WWOX: variants seen among roughly 807,000 people sequenced by gnomAD.
WWOX encodes the protein WW domain containing oxidoreductase.
In WWOX, 69 loss-of-function variants were observed where a neutral mutation model predicts 46.2. That is an observed-to-expected ratio of 1.49 (90% CI 1.23 to 1.82). The LOEUF is 1.82. WWOX is among the 40% of genes most tolerant of loss of function. The pLI is 0.00. For synonymous variants in WWOX, 359 were observed against 202.6 expected (o/e 1.77, Z -6.56); for missense variants, 919 against 542.6 (o/e 1.69, Z -6.89).
intron 8 of WWOX, among the ~76,000 whole-genome samples, chr16:78,557,689 A>ATTTTTTTTTTTTTTTTTTTTTTTTTTT (rs34068363): frequency 6.2e-5 from 6 of 96,624 alleles, no homozygotes; most frequent in African/African-American, 2.1e-4. Context: ...CTAGGGAAGG[A>ATTTTTTTTTTTTTTTTTTTTTTTTTTT]TTTTTTTTTT....
chr16:79,065,201 T>C (rs1175351462), intron 8 of WWOX, among the ~76,000 whole-genome samples: 2 of 152,182 alleles, frequency 1.3e-5, no homozygotes, highest in African/African-American at 4.8e-5. Context: ...TTCTTATAAT[T>C]GCTCAATGGG....
At chr16:78,859,215 C>G (rs2052659531) in intron 8 of WWOX, among the ~76,000 whole-genome samples, 1 of 151,456 alleles carries the variant, frequency 6.6e-6, no homozygotes, top group Non-Finnish European at 1.5e-5. Flanking sequence ...ATGAGTTCAA[C>G]TGATTTCAAC....
rs2082355288 is a variant in WWOX, at chr16:78,399,115, G to T, written c.605+12167G>T. Among the ~76,000 whole-genome samples, 4 of 150,390 alleles carry T rather than the reference G, an allele frequency of 2.7e-5. No homozygotes were observed. The South Asian group carries it at 8.5e-4, about 32-fold the overall frequency. On this transcript the variant is annotated intron_variant, in intron 6 of 8. Coordinates refer to ENST00000566780, the MANE Select transcript of WWOX (RefSeq NM_016373.4). Reference sequence around the variant, plus strand: ...GAAGGGGTGGAAGGGGATGCAAGAGGTAAGTACAAGGAAGGGGATGGGTGG... The same window carrying T: ...GAAGGGGTGGAAGGGGATGCAAGAGTTAAGTACAAGGAAGGGGATGGGTGG...
intron 8 of WWOX, among the ~76,000 whole-genome samples, chr16:78,728,049 TCC>T (rs1257188475): frequency 2.3e-4 from 14 of 61,612 alleles, no homozygotes; most frequent in African/African-American, 8.3e-4. Flanking sequence ...CCTCTCTCCC[TCC>T]TTCCTTTTTT....
chr16:78,835,769 G>T (rs116517543), intron 8 of WWOX, among the ~76,000 whole-genome samples: 1 of 152,130 alleles, frequency 6.6e-6, no homozygotes, highest in Non-Finnish European at 1.5e-5. Context: ...AACAAAAAAT[G>T]TATTGCCAAA....
Position 78,886,016 on chromosome 16 carries a change from C to G in WWOX, c.1057-325592C>G, listed in dbSNP as rs558728361. 1.8e-4 allele frequency among the ~76,000 whole-genome samples: 28 copies of G among 151,502 alleles called. 1 individual carries two copies. Among genetic ancestry groups the G allele is most frequent in the Admixed American group, 1.8e-3 (27 of 15,190 alleles). On this transcript the variant is annotated intron_variant, in intron 8 of 8. Coordinates refer to ENST00000566780, the MANE Select transcript of WWOX (RefSeq NM_016373.4). ...CTTGGCTTGCTGCAACCTCTGCCTC[C>G]CAAGTTCAAGCAATTCTCCCACCTC...
chr16:78,506,025 A>T (rs11641859), intron 8 of WWOX, among the ~76,000 whole-genome samples: 6,566 of 152,156 alleles, frequency 0.043, 291 homozygotes, highest in East Asian at 0.18. Flanking sequence ...CCCCTTCCCG[A>T]CCCTTGCACC....
At chr16:79,177,234 G>A (rs1199532370) in intron 8 of WWOX, among the ~76,000 whole-genome samples, 2 of 152,146 alleles carry the variant, frequency 1.3e-5, no homozygotes, top group African/African-American at 2.4e-5. Context: ...CTTATCAGCC[G>A]CGAGTGCCGT....
At chr16:78,376,711 T>C (rs1413732715) in intron 5 of WWOX, among the ~76,000 whole-genome samples, 1 of 152,104 alleles carries the variant, frequency 6.6e-6, no homozygotes, top group Admixed American at 6.5e-5. Flanking sequence ...TTCCAACAAG[T>C]TGCAACAAGC....
At chr16:78,366,052 G>A (rs938570284) in intron 5 of WWOX, among the ~76,000 whole-genome samples, 9 of 151,968 alleles carry the variant, frequency 5.9e-5, no homozygotes, top group African/African-American at 2.2e-4. Context: ...TACATCTTTC[G>A]GCCCATTGGA....
intron 8 of WWOX, among the ~76,000 whole-genome samples, chr16:78,485,015 G>T (rs2084595480): frequency 6.6e-6 from 1 of 151,962 alleles, no homozygotes. Context: ...TATAGATGAG[G>T]TTCCCTTAGA....
intron 8 of WWOX, among the ~76,000 whole-genome samples, chr16:78,760,430 C>G (rs533255134): frequency 2.6e-5 from 4 of 152,116 alleles, no homozygotes; most frequent in African/African-American, 7.2e-5. Flanking sequence ...ATCACACTTG[C>G]ATTTGATTTT....
intron 8 of WWOX, among the ~76,000 whole-genome samples, chr16:78,566,062 C>A (rs77523627): frequency 1.1e-3 from 160 of 152,290 alleles, no homozygotes; most frequent in African/African-American, 3.8e-3. Flanking sequence ...AAGCCATGGG[C>A]ACATTCTGTG....
At chr16:78,272,734 A>G (rs2079503580) in intron 5 of WWOX, among the ~76,000 whole-genome samples, 1 of 152,066 alleles carries the variant, frequency 6.6e-6, no homozygotes, top group African/African-American at 2.4e-5. Context: ...CTATAACAGC[A>G]GTAGCAATAA....
At chr16:78,876,182 G>A (rs939966831) in intron 8 of WWOX, among the ~76,000 whole-genome samples, 8 of 150,404 alleles carry the variant, frequency 5.3e-5, no homozygotes, top group Admixed American at 4.7e-4. Context: ...TTTTAACAAC[G>A]GAAAACACTT....
intron 8 of WWOX, among the ~76,000 whole-genome samples, chr16:78,903,657 G>C (rs189533574): frequency 6.3e-4 from 96 of 152,256 alleles, no homozygotes; most frequent in African/African-American, 2.2e-3. Context: ...TTCCCTGCCT[G>C]CAGATTCTAT....
intron 8 of WWOX, among the ~76,000 whole-genome samples, chr16:78,930,070 C>T (rs1228131827): frequency 2.6e-5 from 4 of 152,062 alleles, no homozygotes; most frequent in African/African-American, 7.2e-5. Flanking sequence ...GGAAGCATAG[C>T]TTCTTGCCTT....
intron 8 of WWOX, among the ~76,000 whole-genome samples, chr16:79,097,113 C>G (rs2049091967): frequency 6.6e-6 from 1 of 151,682 alleles, no homozygotes; most frequent in Non-Finnish European, 1.5e-5. Context: ...TCCATCATAC[C>G]CTGTAGGTAC....
rs573058189 is a variant in WWOX, at chr16:79,137,156, A to C, written c.1057-74452A>C. On this transcript the variant is annotated intron_variant, in intron 8 of 8. Transcript: ENST00000566780. ...AATGTTATGGATCTCTGTAGCAGGC[A>C]CATGCAACGTCCAGTGCTTCCCTGC... Among the ~76,000 whole-genome samples, 16 of 152,334 alleles carry C rather than the reference A, an allele frequency of 1.1e-4. 1 individual carries two copies. The East Asian group carries it at 3.1e-3, about 29-fold the overall frequency.
Sources: gnomAD v4.1 joint callset for allele counts (sites outside exome capture counted in the v4.1 genomes callset) on GRCh38, gnomAD v4.1.1 for gene constraint, MANE v1.5 for transcripts, NCBI Gene and HGNC (gene_info 2026-07-23, HGNC 2026-07-21) for gene names.